The following HDAC10 variants were observed in gnomAD, a reference collection of about 807,000 sequenced individuals.
HDAC10 encodes the protein polyamine deacetylase HDAC10.
Under a neutral mutation model 82.3 loss-of-function variants are expected in HDAC10, and 90 were observed. That is an observed-to-expected ratio of 1.09 (90% confidence interval 0.92 to 1.30). The LOEUF (loss-of-function observed/expected upper bound fraction) is 1.30. Ranked by LOEUF, HDAC10 falls within the 50% of genes most tolerant of loss-of-function variation. The pLI is 0.00. For missense variants in HDAC10, 934 were observed against 876.3 expected, an observed-to-expected ratio of 1.07 and a Z score of -0.83; for synonymous variants, 456 against 391.7, an observed-to-expected ratio of 1.16 and a Z score of -1.94.
rs539026867 is a variant in HDAC10 at position 50,249,647 on chromosome 22, T to G, written c.551A>C (p.Glu184Ala). Residue 184 changes from glutamate to alanine, a missense_variant, in exon 6 of 20, where the codon GAG (glutamate) becomes GCG (alanine). Glu to Ala is a moderately radical substitution (Grantham distance 107). Transcript: ENST00000216271. This position sits in a 1 kb window ranked among gnomAD's most constrained non-coding sequence, Gnocchi z 4.4. ...HHGQGIQYLF[E>A]DDPSVLYFSW... The stretch of plus-strand genomic sequence containing the variant: ...CACCCCTGCTCACCTGGGGTCATCC[T>G]CAAAGAGATACTGGATCCCCTGGCC... 6.2e-7 allele frequency: 1 copy of G among 1,612,888 alleles called. No homozygotes were observed. The highest frequency in any genetic ancestry group is 1.7e-5 in the Admixed American group (1 of 60,004).
Position 50,249,489 on chromosome 22 carries a change from T to C in HDAC10, c.564-35A>G. 3.1e-6 allele frequency: 5 copies of C among 1,611,450 alleles called. No homozygotes were observed. The South Asian group carries it at 5.5e-5, about 18-fold the overall frequency. On this transcript the variant is annotated intron_variant, in intron 6 of 19. Transcript: ENST00000216271. The surrounding 1 kb of genome is among the most constrained non-coding windows in gnomAD (Gnocchi z 4.4). ...GCCAGCCAGGGCCAGAGGTCAAAGG[T>C]CAGGACCCTCAACAGCTCTACAGCT...
In HDAC10 at chr22:50,246,866, G is replaced by A; in HGVS notation, c.1514+9C>T. ...CGTCAGAGGCTCAGGATGGCCAAGT[G>A]AGGCTTACCTCTGGGCTCCGTGGGA... On this transcript the variant is annotated intron_variant, in intron 15 of 19. Coordinates refer to ENST00000216271, the MANE Select transcript of HDAC10 (RefSeq NM_032019.6). 6.2e-7 allele frequency: 1 copy of A among 1,608,580 alleles called. No homozygotes were observed. Among genetic ancestry groups the A allele is most frequent in the East Asian group, 2.2e-5 (1 of 44,786 alleles).
Position 50,249,927 on chromosome 22 carries a change from C to T in HDAC10, c.427G>A (p.Gly143Arg), listed in dbSNP as rs757906225. 5.6e-6 allele frequency: 9 copies of T among 1,612,642 alleles called. No homozygotes were observed. The highest frequency in any genetic ancestry group is 2.2e-5 in the East Asian group (1 of 44,858). The change falls in exon 5 of 20, where the codon GGG becomes AGG. Residue 143 changes from glycine (G) to arginine (R), a missense_variant. Coordinates refer to ENST00000216271, the MANE Select transcript of HDAC10 (RefSeq NM_032019.6). The surrounding 1 kb of genome is among the most constrained non-coding windows in gnomAD (Gnocchi z 4.4). ...GHHGQRAAANGFCVFNNVAIA... is the reference protein window; with the variant it reads ...GHHGQRAAANRFCVFNNVAIA... ...GCCACGTTGTTGAACACACAGAACC[C>T]GTTGGCAGCCGCCCTCTGGCCATGG...
rs1569134889 is a variant in HDAC10, at chr22:50,247,990, CGGTGCGGACAGAG to C, written c.1224_1236del (p.Ser409LeufsTer4). 6.2e-6 allele frequency: 10 copies of C among 1,612,858 alleles called. No individual in the cohort carries two copies. Among genetic ancestry groups the C allele is most frequent in the Non-Finnish European group, 8.5e-6 (10 of 1,179,982 alleles). On this transcript the variant is annotated frameshift_variant, in exon 13 of 20. Coordinates refer to ENST00000216271, the MANE Select transcript of HDAC10 (RefSeq NM_032019.6). LOFTEE classifies it high-confidence loss of function. ...ATATCCGGCGTTGTCAGGGCAACAG[CGGTGCGGACAGAG>C]GGTGCGGGGCAGAGGCACGGCTGGT...
chr22:50,248,517 G>C lies in HDAC10; in HGVS notation c.907-45C>G. On this transcript the variant is annotated intron_variant, in intron 10 of 19. Coordinates refer to ENST00000216271, the MANE Select transcript of HDAC10 (RefSeq NM_032019.6). This position sits in a 1 kb window ranked among gnomAD's most constrained non-coding sequence, Gnocchi z 5.4. ...ATGATTGGGGCAGAGATATCACTGG[G>C]ATGGGATGTCACCGGGAGAGCCCCT... is the stretch of plus-strand genomic sequence containing the variant. 1.3e-6 allele frequency: 2 copies of C among 1,563,702 alleles called. No individual in the cohort carries two copies. Among genetic ancestry groups the C allele is most frequent in the Non-Finnish European group, 1.7e-6 (2 of 1,154,018 alleles).
chr22:50,246,761 A>G (rs1778650022), intron 15 of HDAC10, 26 bp from the exon 16 acceptor site: 1 of 1,612,728 alleles, frequency 6.2e-7, no homozygotes, highest in Non-Finnish European at 8.5e-7. Flanking sequence ...GCCTCAGGAC[A>G]GGTGTTCATG....
In HDAC10 at chr22:50,249,144, C is replaced by G. The variant is rs201305595; in HGVS notation, c.715G>C (p.Val239Leu). ...NQVGMGNADY[V>L]AAFLHLLLPL... Reference sequence around the variant, plus strand: ...AGCAGCAGGTGCAGGAAGGCAGCCACGTAGTCAGCGTTTCCCATCCCAACC... The same window carrying G: ...AGCAGCAGGTGCAGGAAGGCAGCCAGGTAGTCAGCGTTTCCCATCCCAACC... The change falls in exon 8 of 20, where the codon GTG becomes CTG. Residue 239 changes from valine (V) to leucine (L), a missense_variant. Coordinates refer to ENST00000216271, the MANE Select transcript of HDAC10 (RefSeq NM_032019.6). The surrounding 1 kb of genome is among the most constrained non-coding windows in gnomAD (Gnocchi z 4.4). 4.3e-5 allele frequency: 69 copies of G among 1,597,498 alleles called. No homozygotes were observed. The highest frequency in any genetic ancestry group is 5.7e-5 in the Non-Finnish European group (67 of 1,172,464).
At chr22:50,246,814 C>T in intron 15 of HDAC10, 61 bp downstream of exon 15, 1 of 1,598,726 alleles carries the variant, frequency 6.3e-7, no homozygotes, top group Non-Finnish European at 8.6e-7. Context: ...CTTGGCCAGC[C>T]AGGATAGGGG....
chr22:50,246,447 T>C (rs764079870), intron 16 of HDAC10, 71 bp from the exon 17 acceptor site: 38 of 1,337,290 alleles, frequency 2.8e-5, no homozygotes, highest in Non-Finnish European at 3.6e-5. Context: ...GAGGCAGAGG[T>C]GGAAGAGCAT....
chr22:50,246,809 C>T, intron 15 of HDAC10, 66 bp downstream of exon 15: 1 of 1,597,906 alleles, frequency 6.3e-7, no homozygotes, highest in Non-Finnish European at 8.6e-7. Context: ...CTGTGCTTGG[C>T]CAGCCAGGAT....
At chr22:50,246,513 A>T in intron 16 of HDAC10, 137 bp from the exon 17 acceptor site, 1 of 1,015,848 alleles carries the variant, frequency 9.8e-7, no homozygotes, top group Non-Finnish European at 1.5e-6. Context: ...CTGGAGACCC[A>T]CCTGGCATTG....
In HDAC10 at chr22:50,249,702, T is replaced by C; in HGVS notation, c.496A>G (p.Ile166Val). The part of the protein sequence containing the change: ...HAKQKHGLHR[I>V]LVVDWDVHHG... ...TGCACATCCCAGTCCACGACGAGGATCCTGGGTACAGACAGCGCTGGTGGC... is the reference window on the plus strand; with the variant it reads ...TGCACATCCCAGTCCACGACGAGGACCCTGGGTACAGACAGCGCTGGTGGC... Residue 166 changes from isoleucine to valine, a missense_variant and splice_region_variant, in exon 6 of 20, where the codon ATC (isoleucine) becomes GTC (valine). Ile to Val is a conservative substitution (Grantham distance 29). Coordinates refer to ENST00000216271, the MANE Select transcript of HDAC10 (RefSeq NM_032019.6). This position sits in a 1 kb window ranked among gnomAD's most constrained non-coding sequence, Gnocchi z 4.4. 6.2e-7 allele frequency: 1 copy of C among 1,612,524 alleles called. No individual in the cohort carries two copies. The highest frequency in any genetic ancestry group is 1.1e-5 in the South Asian group (1 of 91,080).
chr22:50,245,750 A>G lies in HDAC10; in HGVS notation c.1911T>C (p.Ser637=). 6.2e-7 allele frequency: 1 copy of G among 1,612,058 alleles called. No homozygotes were observed. Among genetic ancestry groups the G allele is most frequent in the South Asian group, 1.1e-5 (1 of 90,814 alleles). Residue 637 remains serine, a synonymous_variant, in exon 19 of 20, where the codon TCT becomes TCC. Transcript: ENST00000216271. ...CCTGGACGTCCTCTGGGGAGGCCAC[A>G]GAGGAAGGGCCTAGGCTAGGAGGTG... is the stretch of plus-strand genomic sequence containing the variant. ...GEAPPSLGPS[S]VASPEDVQAL...
intron 15 of HDAC10, 69 bp downstream of exon 15, chr22:50,246,806 T>G: frequency 6.2e-7 from 1 of 1,601,062 alleles, no homozygotes; most frequent in Non-Finnish European, 8.6e-7. Context: ...TCTCTGTGCT[T>G]GGCCAGCCAG....
chr22:50,248,936 A>G lies in HDAC10; in HGVS notation c.757-46T>C. ...GGGAGGGTCGACAGAGAGGGGCTGG[A>G]GCCCAGGTGAGGGCGAGCCAGGCCC... On this transcript the variant is annotated intron_variant, in intron 8 of 19. Coordinates refer to ENST00000216271, the MANE Select transcript of HDAC10 (RefSeq NM_032019.6). The surrounding 1 kb of genome is among the most constrained non-coding windows in gnomAD (Gnocchi z 5.4). 6.3e-7 allele frequency: 1 copy of G among 1,583,874 alleles called. No homozygotes were observed.
chr22:50,246,420 CCTG>C, intron 16 of HDAC10, 44 bp from the exon 17 acceptor site: 1 of 1,520,906 alleles, frequency 6.6e-7, no homozygotes, highest in Non-Finnish European at 9.1e-7. Context: ...TGCTCACCCT[CCTG>C]AGCCCAAACC....
Position 50,248,307 on chromosome 22 carries a change from C to A in HDAC10, c.1014-15G>T, listed in dbSNP as rs755273708. 5 of 1,612,074 alleles carry A rather than the reference C, an allele frequency of 3.1e-6. No individual in the cohort carries two copies. In the African/African-American group the frequency reaches 5.3e-5, roughly 17 times the overall value. On this transcript the variant is annotated splice_polypyrimidine_tract_variant and intron_variant, in intron 11 of 19. Transcript: ENST00000216271. This position sits in a 1 kb window ranked among gnomAD's most constrained non-coding sequence, Gnocchi z 5.4. ...ACTCTAGGGCACTGTGAGGGAGACA[C>A]AACAGTCGTGACACCTGGTCTCACA...
Position 50,248,351 on chromosome 22 carries a change from T to C in HDAC10, c.1013+15A>G, listed in dbSNP as rs1422050778. ...TCTCACACCCCGGCCCTGCCCGCCC[T>C]ACCTCCCCTCGCACCTCTGACATGG... On this transcript the variant is annotated intron_variant, in intron 11 of 19. Coordinates refer to ENST00000216271, the MANE Select transcript of HDAC10 (RefSeq NM_032019.6). This position sits in a 1 kb window ranked among gnomAD's most constrained non-coding sequence, Gnocchi z 5.4. 4.3e-6 allele frequency: 7 copies of C among 1,610,856 alleles called. No individual in the cohort carries two copies. The highest frequency in any genetic ancestry group is 1.7e-5 in the Admixed American group (1 of 59,908).
rs1339044065 is a variant in HDAC10, at chr22:50,248,311, A to T, written c.1014-19T>A. 6.2e-7 allele frequency: 1 copy of T among 1,612,114 alleles called. No individual in the cohort carries two copies. Among genetic ancestry groups the T allele is most frequent in the Admixed American group, 1.7e-5 (1 of 59,990 alleles). On this transcript the variant is annotated intron_variant, in intron 11 of 19. Coordinates refer to ENST00000216271, the MANE Select transcript of HDAC10 (RefSeq NM_032019.6). This position sits in a 1 kb window ranked among gnomAD's most constrained non-coding sequence, Gnocchi z 5.4. ...TAGGGCACTGTGAGGGAGACACAAC[A>T]GTCGTGACACCTGGTCTCACACCCC... is the stretch of plus-strand genomic sequence containing the variant.
Sources: gnomAD v4.1 joint callset for allele counts on GRCh38, gnomAD v4.1.1 for gene constraint, Gnocchi (gnomAD v3.1) non-coding constraint, MANE v1.5 for transcripts, NCBI Gene and HGNC (gene_info 2026-07-23, HGNC 2026-07-21) for gene names.